KIF16B: variants seen among roughly 807,000 people sequenced by gnomAD.
KIF16B encodes kinesin family member 16B.
Under a neutral mutation model 156.3 loss-of-function variants are expected in KIF16B, and 98 were observed. The observed-to-expected ratio is 0.63, with a 90% CI of 0.53 to 0.74. KIF16B has a LOEUF of 0.74. KIF16B is among the 30% of genes least tolerant of loss of function. KIF16B has a pLI of 0.00. For synonymous variants in KIF16B, 564 were observed against 583.7 expected (o/e 0.97, Z 0.49); for missense variants, 1,421 against 1,606.5 (o/e 0.88, Z 1.97).
intron 1 of KIF16B, among the ~76,000 whole-genome samples, chr20:16,568,088 T>C (rs2071326167): frequency 6.6e-6 from 1 of 152,160 alleles, no homozygotes; most frequent in Non-Finnish European, 1.5e-5. Context: ...CTTTGACCTA[T>C]CTTCTTTTTA....
intron 25 of KIF16B, among the ~76,000 whole-genome samples, chr20:16,304,632 C>T (rs1023524262): frequency 1.3e-5 from 2 of 152,128 alleles, no homozygotes; most frequent in Non-Finnish European, 2.9e-5. Flanking sequence ...TTTATTTAAT[C>T]TCTATGTTTG....
At chr20:16,315,336 A>C (rs1222780798) in intron 24 of KIF16B, among the ~76,000 whole-genome samples, 2 of 152,178 alleles carry the variant, frequency 1.3e-5, no homozygotes, top group Non-Finnish European at 2.9e-5. Context: ...CATGATACTC[A>C]ACTAACTGTC....
intron 8 of KIF16B, 53 bp from the exon 9 acceptor site, chr20:16,505,906 T>C (rs1431257244): frequency 3.1e-6 from 5 of 1,606,838 alleles, no homozygotes; most frequent in Middle Eastern, 3.3e-4. Flanking sequence ...AAATTTTTTT[T>C]CCTCTACTTT....
chr20:16,313,553 C>A (rs2063652844), intron 24 of KIF16B, among the ~76,000 whole-genome samples: 1 of 152,198 alleles, frequency 6.6e-6, no homozygotes, highest in African/African-American at 2.4e-5. Context: ...ACTGCCAGCA[C>A]CCCCAGAGCT....
intron 3 of KIF16B, among the ~76,000 whole-genome samples, chr20:16,523,839 T>A (rs894862274): frequency 5.9e-5 from 9 of 152,194 alleles, no homozygotes; most frequent in East Asian, 5.8e-4. Flanking sequence ...AAAACAGATA[T>A]ATAGACAAAT....
chr20:16,483,570 T>TAC (rs575972722), intron 12 of KIF16B, among the ~76,000 whole-genome samples: 119 of 152,270 alleles, frequency 7.8e-4, no homozygotes, highest in African/African-American at 2.8e-3. Flanking sequence ...ACACATGCTG[T>TAC]AATGCTCACA....
rs2065033796 is a variant in KIF16B at position 16,379,418 on chromosome 20, C to G, written c.2584G>C (p.Glu862Gln). Residue 862 changes from glutamate (E) to glutamine (Q), a missense_variant, in exon 19 of 26, where the codon GAG becomes CAG. Glu to Gln is a conservative substitution (Grantham distance 29). Coordinates refer to ENST00000354981, the MANE Select transcript of KIF16B (RefSeq NM_024704.5). The stretch of plus-strand genomic sequence containing the variant: ...TTGTCATGTTCACATTTTAAACACT[C>G]TAGGATCTCCTGTTCTTCTTGGACT... Reference protein sequence around the residue: ...KEVQEEQEILECLKCEHDKES... With the variant: ...KEVQEEQEILQCLKCEHDKES... 6.2e-7 allele frequency: 1 copy of G among 1,612,412 alleles called. No individual in the cohort carries two copies. The highest frequency in any genetic ancestry group is 1.1e-5 in the South Asian group (1 of 90,980).
chr20:16,408,263 A>G (rs2065835841), intron 15 of KIF16B, among the ~76,000 whole-genome samples: 1 of 152,168 alleles, frequency 6.6e-6, no homozygotes, highest in East Asian at 1.9e-4. Context: ...AGTCACTATG[A>G]AAAGGAGGAT....
intron 12 of KIF16B, among the ~76,000 whole-genome samples, chr20:16,482,263 C>T (rs1333181796): frequency 6.6e-6 from 1 of 151,956 alleles, no homozygotes; most frequent in Non-Finnish European, 1.5e-5. Flanking sequence ...TGGAGCTCTG[C>T]TGCCTGGAGT....
At chr20:16,303,253 C>T (rs1884604) in intron 25 of KIF16B, among the ~76,000 whole-genome samples, 109,820 of 152,142 alleles carry the variant, frequency 0.72, 40,559 homozygotes, top group East Asian at 0.96. Context: ...TCCAAGATTA[C>T]TCAGTCATTA....
chr20:16,549,928 T>C (rs1205200156), intron 1 of KIF16B, among the ~76,000 whole-genome samples: 2 of 53,854 alleles, frequency 3.7e-5, no homozygotes, highest in East Asian at 3.9e-4. Flanking sequence ...ATTCAGGACA[T>C]AGGCATGGGC....
chr20:16,550,578 G>A (rs2070607688), intron 1 of KIF16B, among the ~76,000 whole-genome samples: 2 of 142,784 alleles, frequency 1.4e-5, no homozygotes, highest in Non-Finnish European at 3.0e-5. Flanking sequence ...AGTCACCCAG[G>A]CTGGAGTGCA....
At chr20:16,405,671 G>T (rs1371001115) in intron 16 of KIF16B, among the ~76,000 whole-genome samples, 1 of 152,130 alleles carries the variant, frequency 6.6e-6, no homozygotes, top group Non-Finnish European at 1.5e-5. Flanking sequence ...GTTGCTCTTG[G>T]TCTGTTTCTC....
chr20:16,517,306 A>G (rs995017366), intron 3 of KIF16B, among the ~76,000 whole-genome samples: 10 of 152,206 alleles, frequency 6.6e-5, no homozygotes, highest in Admixed American at 5.9e-4. Flanking sequence ...TTCTGAGTTA[A>G]TTCTTAACCA....
intron 22 of KIF16B, chr20:16,368,875 C>T (rs990169923): frequency 1.0e-6 from 1 of 985,694 alleles, no homozygotes; most frequent in Non-Finnish European, 1.2e-6. Context: ...GACTCTCAAG[C>T]CATGTTTATC....
chr20:16,315,313 A>G (rs997687609), intron 24 of KIF16B, among the ~76,000 whole-genome samples: 1 of 152,172 alleles, frequency 6.6e-6, no homozygotes, highest in South Asian at 2.1e-4. Context: ...TTTCAGGCCT[A>G]TAATCACAGG....
chr20:16,563,268 G>A (rs891685907), intron 1 of KIF16B, among the ~76,000 whole-genome samples: 1 of 152,134 alleles, frequency 6.6e-6, no homozygotes, highest in African/African-American at 2.4e-5. Flanking sequence ...GGATGAATGT[G>A]CGGGCTAAGT....
At chr20:16,527,032 A>C (rs2069571405) in intron 2 of KIF16B, among the ~76,000 whole-genome samples, 1 of 152,260 alleles carries the variant, frequency 6.6e-6, no homozygotes, top group African/African-American at 2.4e-5. Flanking sequence ...CAAAGAAAGG[A>C]GACTCATCCA....
intron 24 of KIF16B, among the ~76,000 whole-genome samples, chr20:16,333,304 T>G (rs888666174): frequency 1.3e-5 from 2 of 152,182 alleles, no homozygotes; most frequent in African/African-American, 2.4e-5. Flanking sequence ...GTGCCTGGTC[T>G]GCCCCACCTA....
Sources: allele counts gnomAD v4.1 joint callset (sites outside exome capture counted in the v4.1 genomes callset), GRCh38; gene constraint gnomAD v4.1.1; transcripts MANE v1.5; gene names NCBI Gene and HGNC (gene_info 2026-07-23, HGNC 2026-07-21).